The following SSBP4 variants were observed in gnomAD, a reference collection of about 807,000 sequenced individuals.
SSBP4 encodes single-stranded DNA-binding protein 4.
Under a neutral mutation model 64.6 loss-of-function variants are expected in SSBP4, and 33 were observed. The observed-to-expected ratio is 0.51, with a 90% CI of 0.39 to 0.68. SSBP4 has a LOEUF of 0.68. Ranked by LOEUF, SSBP4 falls within the 30% of genes least tolerant of loss-of-function variation. SSBP4 has a pLI of 0.00. For missense variants in SSBP4, 583 were observed against 566.8 expected (o/e 1.03, Z -0.29); for synonymous variants, 243 against 224.0 (o/e 1.08, Z -0.76).
the SSBP4 span, among the ~76,000 whole-genome samples, chr19:18,409,109 C>T: frequency 2.0e-5 from 3 of 152,160 alleles, no homozygotes; most frequent in East Asian, 1.9e-4. Context: ...CCAACATGCC[C>T]GGCCTAAATC....
upstream of SSBP4, among the ~76,000 whole-genome samples, chr19:18,417,111 G>T (rs1972147939): frequency 7.1e-6 from 1 of 141,428 alleles, no homozygotes; most frequent in South Asian, 2.6e-4. The surrounding 1 kb of genome is among the most constrained non-coding windows in gnomAD (Gnocchi z 5.4). Flanking sequence ...CCGGGAGACC[G>T]ACCGACCCCG....
upstream of SSBP4, among the ~76,000 whole-genome samples, chr19:18,415,565 AGGCTT>A (rs1972125488): frequency 6.6e-6 from 1 of 152,064 alleles, no homozygotes; most frequent in Non-Finnish European, 1.5e-5. Context: ...TGCCCAGGGA[AGGCTT>A]GGAGGAGGAG....
At chr19:18,409,324 T>C in the SSBP4 span, among the ~76,000 whole-genome samples, 18 of 151,780 alleles carry the variant, frequency 1.2e-4, no homozygotes, top group Non-Finnish European at 1.9e-4. Context: ...GTAGCTGGGA[T>C]TGCAGGTGTG....
chr19:18,429,611 G>A (rs1912642204), intron 4 of SSBP4, among the ~76,000 whole-genome samples: 7 of 151,960 alleles, frequency 4.6e-5, no homozygotes, highest in Admixed American at 3.9e-4. Context: ...GAGTGGACCG[G>A]AGGGGCCGCC....
At chr19:18,406,603 G>C in the SSBP4 span, among the ~76,000 whole-genome samples, 1 of 151,960 alleles carries the variant, frequency 6.6e-6, no homozygotes, top group Admixed American at 6.6e-5. Flanking sequence ...AGCCATGATT[G>C]TGCCACCGCA....
chr19:18,434,026 GC>G (rs1973781392), intron 17 of SSBP4, 190 bp from the exon 18 acceptor site: 3 of 911,514 alleles, frequency 3.3e-6, no homozygotes, highest in Non-Finnish European at 3.8e-6. Context: ...GATCCCATCC[GC>G]CCCCACCCCG....
chr19:18,434,074 C>A, intron 17 of SSBP4, 143 bp from the exon 18 acceptor site: 3 of 1,345,874 alleles, frequency 2.2e-6, no homozygotes, highest in East Asian at 3.0e-5. Context: ...CATGCATCGC[C>A]CCTCCCCCGT....
Position 18,431,699 on chromosome 19 carries a change from C to T in SSBP4, c.488C>T (p.Pro163Leu), listed in dbSNP as rs1024788350. Reference protein sequence around the residue: ...PGGPRPTLRMPSQPPAGLPGS... With the variant: ...PGGPRPTLRMLSQPPAGLPGS... The stretch of plus-strand genomic sequence containing the variant: ...GGCCCCCGGCCCACCCTGCGGATGC[C>T]GAGTCAGGTGAGAAAGGGATGAGGG... Residue 163 changes from proline to leucine, a missense_variant, in exon 7 of 18, where the codon CCG becomes CTG. Physicochemically the swap from Pro to Leu is moderately conservative, Grantham distance 98. Coordinates refer to ENST00000270061, the MANE Select transcript of SSBP4 (RefSeq NM_032627.5). 3.1e-5 allele frequency: 48 copies of T among 1,551,062 alleles called. No individual in the cohort carries two copies. The East Asian group carries it at 4.4e-4, about 14-fold the overall frequency.
Position 18,427,488 on chromosome 19 carries a change from C to G in SSBP4, c.132+65C>G, listed in dbSNP as rs918494685. 1.5e-5 allele frequency: 24 copies of G among 1,570,608 alleles called. No homozygotes were observed. The highest frequency in any genetic ancestry group is 1.7e-5 in the Non-Finnish European group (20 of 1,157,756). On this transcript the variant is annotated intron_variant, in intron 2 of 17. Transcript: ENST00000270061. The surrounding 1 kb of genome is among the most constrained non-coding windows in gnomAD (Gnocchi z 4.4). Reference sequence around the variant, plus strand: ...ACACTCCGGGGGTCCTTCATTTCCACTGGGGATCCAGGGGGTGGGCCCGCG... The same window carrying G: ...ACACTCCGGGGGTCCTTCATTTCCAGTGGGGATCCAGGGGGTGGGCCCGCG...
intron 1 of SSBP4, among the ~76,000 whole-genome samples, chr19:18,425,653 G>A (rs762246684): frequency 5.3e-5 from 8 of 152,180 alleles, no homozygotes; most frequent in Non-Finnish European, 1.0e-4. Context: ...CTGGAGGGGT[G>A]GAGGTCAGGA....
intron 10 of SSBP4, 141 bp from the exon 11 acceptor site, chr19:18,432,418 C>G: frequency 7.4e-7 from 1 of 1,353,934 alleles, no homozygotes. Context: ...CCTGGCAGCT[C>G]ATGGTGGCCA....
chr19:18,408,684 G>A, the SSBP4 span, among the ~76,000 whole-genome samples: 7 of 152,120 alleles, frequency 4.6e-5, no homozygotes, highest in African/African-American at 1.7e-4. Flanking sequence ...GTAGAGACAG[G>A]GTTTTGCCAT....
chr19:18,433,094 G>A (rs1973592354), intron 14 of SSBP4, 41 bp from the exon 15 acceptor site: 1 of 1,613,334 alleles, frequency 6.2e-7, no homozygotes, highest in Non-Finnish European at 8.5e-7. Flanking sequence ...CCCACTTGGG[G>A]AATGGGTGGC....
At chr19:18,410,604 A>G in the SSBP4 span, among the ~76,000 whole-genome samples, 2 of 152,054 alleles carry the variant, frequency 1.3e-5, no homozygotes, top group African/African-American at 4.8e-5. Context: ...GAAATAATTC[A>G]ATACAGAAAT....
At position 18,432,683 on chromosome 19, in the gene SSBP4, G is replaced by T; in HGVS notation, c.751-17G>T. On this transcript the variant is annotated splice_polypyrimidine_tract_variant and intron_variant, in intron 11 of 17. Transcript: ENST00000270061. ...TGAGCCGCCTGGCTGACTGCTCACA[G>T]CTGCCCTTGTCCCCAGATCCCCTAC... 6.4e-7 allele frequency: 1 copy of T among 1,566,954 alleles called. No individual in the cohort carries two copies.
In SSBP4 at chr19:18,427,649, C is replaced by T; in HGVS notation, c.133-103C>T. 7.2e-7 allele frequency: 1 copy of T among 1,388,906 alleles called. No individual in the cohort carries two copies. The highest frequency in any genetic ancestry group is 9.7e-7 in the Non-Finnish European group (1 of 1,029,688). The allele number at this position is 1,388,906 out of a possible 1,614,324, so 86.0% of individuals were successfully genotyped here. On this transcript the variant is annotated intron_variant, in intron 2 of 17. Transcript: ENST00000270061. This position sits in a 1 kb window ranked among gnomAD's most constrained non-coding sequence, Gnocchi z 4.4. ...GCCCTCTGCCCACCCTGTTACCCTT[C>T]CCTCCCCACTCCCTCCCTGCCCAGA...
intron 1 of SSBP4, among the ~76,000 whole-genome samples, chr19:18,422,639 C>T (rs999545942): frequency 3.3e-5 from 5 of 152,210 alleles, no homozygotes; most frequent in African/African-American, 9.7e-5. Context: ...CCTCAGTTTC[C>T]TCATGTGAAA....
intron 4 of SSBP4, among the ~76,000 whole-genome samples, 172 bp downstream of exon 4, chr19:18,428,154 G>T (rs1568349692): frequency 6.6e-6 from 1 of 152,134 alleles, no homozygotes; most frequent in South Asian, 2.1e-4. Flanking sequence ...CACTTTTGGG[G>T]GGTCCTTCCA....
the SSBP4 span, among the ~76,000 whole-genome samples, chr19:18,403,561 G>C: frequency 6.6e-6 from 1 of 151,856 alleles, no homozygotes; most frequent in African/African-American, 2.4e-5. Flanking sequence ...CCTGGGGCCT[G>C]AGGATCCTGG....
Sources: gnomAD v4.1 joint callset for allele counts (sites outside exome capture counted in the v4.1 genomes callset) on GRCh38, gnomAD v4.1.1 for gene constraint, Gnocchi (gnomAD v3.1) non-coding constraint, MANE v1.5 for transcripts, NCBI Gene and HGNC (gene_info 2026-07-23, HGNC 2026-07-21) for gene names.